CHD4: variants seen among roughly 807,000 people sequenced by gnomAD.
The protein encoded by CHD4 is chromodomain helicase DNA binding protein 4, also known as ATP-dependent chromatin remodeler CHD4.
In CHD4, 35 loss-of-function variants were observed where a neutral mutation model predicts 235.5. That is an observed-to-expected ratio of 0.15 (90% confidence interval 0.11 to 0.20). CHD4 has a LOEUF of 0.20. Ranked by LOEUF, CHD4 falls within the 10% of genes least tolerant of loss-of-function variation. The pLI is 1.00. For missense variants in CHD4, 1,329 were observed against 2,432.3 expected (o/e 0.55, Z 9.54); for synonymous variants, 900 against 850.2 (o/e 1.06, Z -1.02).
At chr12:6,581,857 CA>C (rs752074782) in intron 30 of CHD4, 43 bp from the exon 31 acceptor site, 7 of 1,498,104 alleles carry the variant, frequency 4.7e-6, no homozygotes, top group Non-Finnish European at 6.2e-6. Flanking sequence ...ATTCCAGCTA[CA>C]GGCTCCTTTC....
At chr12:6,583,475 T>C in intron 25 of CHD4, 97 bp from the exon 26 acceptor site, 2 of 1,066,660 alleles carry the variant, frequency 1.9e-6, no homozygotes, top group Non-Finnish European at 1.4e-6. Flanking sequence ...CTCCTTTTCA[T>C]GACTGGACTC....
chr12:6,599,451 A>AT (rs1266383624), intron 10 of CHD4, among the ~76,000 whole-genome samples: 2 of 152,004 alleles, frequency 1.3e-5, no homozygotes, highest in East Asian at 1.9e-4. Context: ...AAAAAAAAAA[A>AT]TTTTTTTAAC....
chr12:6,579,193 T>TA (rs1948126863), intron 33 of CHD4: 1 of 392,514 alleles, frequency 2.5e-6, no homozygotes, highest in South Asian at 2.4e-5. Context: ...CTCATGCCTG[T>TA]AATCCCAGCA....
At chr12:6,575,554 T>C (rs1389347016) in intron 37 of CHD4, among the ~76,000 whole-genome samples, 8 of 152,186 alleles carry the variant, frequency 5.3e-5, no homozygotes, top group Non-Finnish European at 1.0e-4. Context: ...ATAAATTCTT[T>C]GGTGTTGTTT....
At chr12:6,605,244 G>A (rs934361826) in intron 2 of CHD4, among the ~76,000 whole-genome samples, 5 of 152,012 alleles carry the variant, frequency 3.3e-5, no homozygotes, top group African/African-American at 7.3e-5. Flanking sequence ...TCCAGAATGA[G>A]AAGAAAACTA....
At position 6,591,658 on chromosome 12, in the gene CHD4, A is replaced by T. The variant is rs370199052; in HGVS notation, c.3222+36T>A. The T allele has an allele frequency of 2.4e-4, 394 of 1,614,162 alleles. No homozygotes were observed. The South Asian group carries it at 3.2e-3, about 13-fold the overall frequency. On this transcript the variant is annotated intron_variant, in intron 21 of 39. Coordinates refer to ENST00000544040, the MANE Select transcript of CHD4 (RefSeq NM_001273.5). Reference sequence around the variant, plus strand: ...TTCCTTAGGTCACTAAGGGTTGTCTATGACTGTTCCCTAAAGCTCCCAGTC... The same window carrying T: ...TTCCTTAGGTCACTAAGGGTTGTCTTTGACTGTTCCCTAAAGCTCCCAGTC...
At position 6,587,450 on chromosome 12, in the gene CHD4, C is replaced by T. The variant is rs1216794057; in HGVS notation, c.3813G>A (p.Gln1271=). Residue 1271 remains glutamine, a synonymous_variant, in exon 25 of 40, where the codon CAG becomes CAA. Transcript: ENST00000544040. Reference sequence around the variant, plus strand: ...ATGAGCTCAAATATTCATTCATGCCCTGCAATTCTGTGTCTTCAGTCTCAT... The same window carrying T: ...ATGAGCTCAAATATTCATTCATGCCTTGCAATTCTGTGTCTTCAGTCTCAT... ...NQDETEDTEL[Q]GMNEYLSSFK... The T allele has an allele frequency of 1.2e-6, 2 of 1,614,064 alleles. No homozygotes were observed. Among genetic ancestry groups the T allele is most frequent in the Non-Finnish European group, 1.7e-6 (2 of 1,180,050 alleles).
chr12:6,602,097 G>A lies in CHD4; in HGVS notation c.301C>T (p.Leu101=), dbSNP rs1402444433. 1.9e-6 allele frequency: 3 copies of A among 1,613,494 alleles called. No individual in the cohort carries two copies. The highest frequency in any genetic ancestry group is 2.7e-5 in the African/African-American group (2 of 74,772). ...TCGCTGCCCTCACTGTCTGAGCGCA[G>A]AGCCACCTCTTCCTCCTCCTCCACA... ...EFVEEEEEVA[L]RSDSEGSDYT... is the part of the protein sequence containing the mutation. The change falls in exon 4 of 40, where the codon CTG becomes TTG. Residue 101 remains leucine, a synonymous_variant. Transcript: ENST00000544040.
chr12:6,580,823 A>G (rs1948171555), intron 33 of CHD4: 1 of 544,420 alleles, frequency 1.8e-6, no homozygotes, highest in East Asian at 2.9e-5. Context: ...CCTGGCCAAC[A>G]TGGTGAAACC....
Position 6,570,174 on chromosome 12 carries a change from CT to C in CHD4, c.*501del, listed in dbSNP as rs779392929. On this transcript the variant is annotated 3_prime_UTR_variant, in exon 40 of 40. Coordinates refer to ENST00000544040, the MANE Select transcript of CHD4 (RefSeq NM_001273.5). Reference sequence around the variant, plus strand: ...GTTTTTTCCTTTTTTTTTTTTTCCACTTTATTTCATTTAGCCGCTCAGTGGC... The same window carrying C: ...GTTTTTTCCTTTTTTTTTTTTTCCACTTATTTCATTTAGCCGCTCAGTGGC... 8 of 150,306 alleles carry C rather than the reference CT, an allele frequency of 5.3e-5. No individual in the cohort carries two copies. Among genetic ancestry groups the C allele is most frequent in the Non-Finnish European group, 1.2e-4 (8 of 68,010 alleles). 9.3% of individuals were successfully genotyped at this position (150,306 alleles called of 1,614,324 possible). A position where few individuals can be genotyped will look rare whatever the true frequency, so the allele number is the denominator to read the frequency against.
At position 6,577,100 on chromosome 12, in the gene CHD4, C is replaced by A. The variant is rs1304160309; in HGVS notation, c.5361+685G>T. Reference sequence around the variant, plus strand: ...TACAGGCGTGAGCCACCGCACCTGGCCCACACAGGCACTTTTTAGCCCAGA... The same window carrying A: ...TACAGGCGTGAGCCACCGCACCTGGACCACACAGGCACTTTTTAGCCCAGA... On this transcript the variant is annotated intron_variant, in intron 37 of 39. Transcript: ENST00000544040. 2.0e-5 allele frequency among the ~76,000 whole-genome samples: 3 copies of A among 152,168 alleles called. No individual in the cohort carries two copies. In the East Asian group the frequency reaches 5.8e-4, roughly 29 times the overall value.
intron 10 of CHD4, 106 bp from the exon 11 acceptor site, chr12:6,598,531 C>G: frequency 3.0e-6 from 3 of 994,648 alleles, no homozygotes. Flanking sequence ...TCATTTCAGA[C>G]CTGGAGCAGT....
In CHD4 at chr12:6,581,463, T is replaced by A. The variant is rs750489736; in HGVS notation, c.4682-75A>T. The A allele has an allele frequency of 1.5e-5, 23 of 1,553,244 alleles. No homozygotes were observed. The Admixed American group carries it at 3.8e-4, about 26-fold the overall frequency. ...GAGAAGGTCATTTCTTCCCAGTTTGTCTCATCTTAAATTGTCCTCTCGTGC... is the reference window on the plus strand; with the variant it reads ...GAGAAGGTCATTTCTTCCCAGTTTGACTCATCTTAAATTGTCCTCTCGTGC... On this transcript the variant is annotated intron_variant, in intron 31 of 39. Coordinates refer to ENST00000544040, the MANE Select transcript of CHD4 (RefSeq NM_001273.5).
At chr12:6,607,148 C>T (rs1362203440) in intron 1 of CHD4, among the ~76,000 whole-genome samples, 152 bp downstream of exon 1, 1 of 151,884 alleles carries the variant, frequency 6.6e-6, no homozygotes, top group Non-Finnish European at 1.5e-5. Flanking sequence ...GCCGGGCGCC[C>T]TGCAGGGCCA....
intron 1 of CHD4, 126 bp from the exon 2 acceptor site, chr12:6,606,577 C>A: frequency 2.0e-6 from 1 of 488,482 alleles, no homozygotes; most frequent in Non-Finnish European, 3.6e-6. Flanking sequence ...ACCGCTCAGG[C>A]TGAACTTAGT....
chr12:6,575,449 CAAAAA>C (rs201602922), intron 37 of CHD4, among the ~76,000 whole-genome samples: 3 of 58,516 alleles, frequency 5.1e-5, no homozygotes, highest in African/African-American at 5.1e-5. Context: ...GACTTTGTCT[CAAAAA>C]AAAAAAAAAA....
chr12:6,573,949 G>A (rs1170831535), intron 37 of CHD4, among the ~76,000 whole-genome samples: 1 of 152,054 alleles, frequency 6.6e-6, no homozygotes, highest in Non-Finnish European at 1.5e-5. Flanking sequence ...CTTGAACCCG[G>A]GAGGCAAAGG....
chr12:6,570,167 T>G lies in CHD4; in HGVS notation c.*509A>C, dbSNP rs2136188222. ...GCTTTTGGTTTTTTCCTTTTTTTTT[T>G]TTTCCACTTTATTTCATTTAGCCGC... On this transcript the variant is annotated 3_prime_UTR_variant, in exon 40 of 40. Coordinates refer to ENST00000544040, the MANE Select transcript of CHD4 (RefSeq NM_001273.5). 1 of 153,586 alleles carries G rather than the reference T, an allele frequency of 6.5e-6. No homozygotes were observed. The highest frequency in any genetic ancestry group is 2.1e-4 in the South Asian group (1 of 4,842). 9.5% of individuals were successfully genotyped at this position (153,586 alleles called of 1,614,324 possible). A position where few individuals can be genotyped will look rare whatever the true frequency, so the allele number is the denominator to read the frequency against.
chr12:6,597,929 G>A lies in CHD4; in HGVS notation c.1857C>T (p.Pro619=), dbSNP rs572246464. Residue 619 remains proline (P), a synonymous_variant, in exon 12 of 40, where the codon CCC becomes CCT. Coordinates refer to ENST00000544040, the MANE Select transcript of CHD4 (RefSeq NM_001273.5). ...GGATTCGGTGGATCATCATCCACTC[G>A]GGTTTTATCCCATAGCGATAGAAGC... is the stretch of plus-strand genomic sequence containing the variant. ...EERFYRYGIK[P]EWMMIHRILN... 29 of 1,614,114 alleles carry A rather than the reference G, an allele frequency of 1.8e-5. 1 individual carries two copies. In the Middle Eastern group the frequency reaches 5.0e-4, roughly 28 times the overall value.
Sources: allele counts gnomAD v4.1 joint callset (sites outside exome capture counted in the v4.1 genomes callset), GRCh38; gene constraint gnomAD v4.1.1; transcripts MANE v1.5; gene names NCBI Gene and HGNC (gene_info 2026-07-23, HGNC 2026-07-21).